Variants in TULP4 observed in about 807,000 individuals in gnomAD.
TULP4 encodes tubby-related protein 4.
TULP4 carries 16 observed loss-of-function variants against 129.0 expected under a neutral mutation model. The ratio of observed to expected loss-of-function variants is 0.12; its 90% CI spans 0.08 to 0.19. TULP4 has a LOEUF of 0.19. TULP4 is among the 10% of genes least tolerant of loss of function. The probability of loss-of-function intolerance (pLI) is 1.00; values close to 1 mark genes in which losing one functional copy is unlikely to be tolerated. For synonymous variants in TULP4, 998 were observed against 854.0 expected, an observed-to-expected ratio of 1.17 and a Z score of -2.94; for missense variants, 1,842 against 2,059.1, an observed-to-expected ratio of 0.89 and a Z score of 2.04.
At chr6:158,266,808 G>A (rs1396894869) in intron 1 of TULP4, among the ~76,000 whole-genome samples, 1 of 152,056 alleles carries the variant, frequency 6.6e-6, no homozygotes, top group Non-Finnish European at 1.5e-5. Context: ...TTATCTACAT[G>A]GGTCCTAGAA....
intron 1 of TULP4, among the ~76,000 whole-genome samples, chr6:158,276,791 G>A (rs1778655046): frequency 6.6e-6 from 1 of 152,042 alleles, no homozygotes; most frequent in African/African-American, 2.4e-5. Context: ...TTACATAAAT[G>A]TATATTGCAT....
chr6:158,486,260 A>T (rs996012904), intron 8 of TULP4, among the ~76,000 whole-genome samples: 1 of 152,116 alleles, frequency 6.6e-6, no homozygotes, highest in Non-Finnish European at 1.5e-5. Context: ...TCCTAATCTG[A>T]TAGGACAGTT....
rs567645398 is a variant in TULP4 at position 158,469,274 on chromosome 6, CT to C, written c.1026+7559del. 3.8e-3 allele frequency among the ~76,000 whole-genome samples: 545 copies of C among 142,858 alleles called. 5 individuals carry two copies. The highest frequency in any genetic ancestry group is 0.011 in the East Asian group (54 of 4,956). The allele number at this position is 142,858 out of a possible 152,430, so 93.7% of individuals were successfully genotyped here. On this transcript the variant is annotated intron_variant, in intron 6 of 13. Coordinates refer to ENST00000367097, the MANE Select transcript of TULP4 (RefSeq NM_020245.5). ...GAGGTCAGTACTAGTGAAAACAGAC[CT>C]TTTTTTTTTTTTTCTCGAGACAGGA...
Position 158,511,592 on chromosome 6 carries a change from A to G in TULP4, c.*4898A>G, listed in dbSNP as rs1056165594. 1 of 152,460 alleles carries G rather than the reference A, an allele frequency of 6.6e-6. No homozygotes were observed. Among genetic ancestry groups the G allele is most frequent in the African/African-American group, 2.4e-5 (1 of 41,388 alleles). The allele number at this position is 152,460 out of a possible 1,614,324, so 9.4% of individuals were successfully genotyped here. A position where few individuals can be genotyped will look rare whatever the true frequency, so the allele number is the denominator to read the frequency against. Reference sequence around the variant, plus strand: ...CAAGCAAGATCTGTTGCGACTCCCAAATGCGTTTTAATGAGCTCATCCTTA... The same window carrying G: ...CAAGCAAGATCTGTTGCGACTCCCAGATGCGTTTTAATGAGCTCATCCTTA... On this transcript the variant is annotated 3_prime_UTR_variant, in exon 14 of 14. Transcript: ENST00000367097.
chr6:158,301,719 G>A (rs955228010), intron 1 of TULP4, among the ~76,000 whole-genome samples: 1 of 152,124 alleles, frequency 6.6e-6, no homozygotes, highest in African/African-American at 2.4e-5. Flanking sequence ...AGGCTGAGAC[G>A]GCTGTACCCT....
At chr6:158,275,021 AAAGAAATAAGT>A (rs2128463665) in intron 1 of TULP4, among the ~76,000 whole-genome samples, 1 of 152,336 alleles carries the variant, frequency 6.6e-6, no homozygotes, top group African/African-American at 2.4e-5. Flanking sequence ...ATCAGTGTAG[AAAGAAATAAGT>A]AAGAAATAAG....
intron 1 of TULP4, among the ~76,000 whole-genome samples, chr6:158,236,795 CTTTTTTTTTTTTTT>C (rs71030149): frequency 0.34 from 21,938 of 63,650 alleles, 2,978 homozygotes; most frequent in East Asian, 0.61. Context: ...CAATTCTTTT[CTTTTTTTTTTTTTT>C]TTTTTTTTTT....
At chr6:158,393,500 C>G (rs1056845576) in intron 1 of TULP4, among the ~76,000 whole-genome samples, 6 of 152,254 alleles carry the variant, frequency 3.9e-5, no homozygotes, top group Admixed American at 3.9e-4. Flanking sequence ...AGACTTCTCC[C>G]TGGACATCCA....
chr6:158,392,881 A>G (rs1243266923), intron 1 of TULP4, among the ~76,000 whole-genome samples: 1 of 121,348 alleles, frequency 8.2e-6, no homozygotes, highest in Non-Finnish European at 1.6e-5. Flanking sequence ...GCTTGCTGCA[A>G]CCTCCACCTT....
At chr6:158,495,993 C>T (rs147065439) in intron 11 of TULP4, among the ~76,000 whole-genome samples, 1 of 152,306 alleles carries the variant, frequency 6.6e-6, no homozygotes, top group East Asian at 1.9e-4. Context: ...CAGGCCAGAA[C>T]ATGAACATGT....
chr6:158,429,883 C>G lies in TULP4; in HGVS notation c.529C>G (p.Pro177Ala). The change falls in exon 3 of 14, where the codon CCT becomes GCT. Residue 177 changes from proline to alanine, a missense_variant. By Grantham distance (27) the Pro-to-Ala change is conservative. This residue lies in a region of TULP4 where 151 missense variants were observed against 268.7 expected (regional missense o/e 0.56). Transcript: ENST00000367097. ...TCAAATTACGTGTGGCATATGGACTCCTGACGACCAACAGGTAACACTTCT... is the reference window on the plus strand; with the variant it reads ...TCAAATTACGTGTGGCATATGGACTGCTGACGACCAACAGGTAACACTTCT... The part of the protein sequence containing the change: ...ESQITCGIWT[P>A]DDQQVLFGTA... 1 of 1,613,790 alleles carries G rather than the reference C, an allele frequency of 6.2e-7. No individual in the cohort carries two copies. Among genetic ancestry groups the G allele is most frequent in the Non-Finnish European group, 8.5e-7 (1 of 1,179,926 alleles).
At chr6:158,303,764 C>T (rs1056230421) in intron 1 of TULP4, among the ~76,000 whole-genome samples, 4 of 152,304 alleles carry the variant, frequency 2.6e-5, no homozygotes, top group African/African-American at 7.2e-5. Context: ...AGGGTATTCA[C>T]GTCTTCAGTA....
chr6:158,441,116 GACCAGCCCAGCCAACGTGGTGAAACCCC>G, intron 3 of TULP4, among the ~76,000 whole-genome samples: 1 of 152,150 alleles, frequency 6.6e-6, no homozygotes, highest in Non-Finnish European at 1.5e-5. Flanking sequence ...AGGAGTTCAA[GACCAGCCCAGCCAACGTGGTGAAACCCC>G]GTATCTATTA....
intron 1 of TULP4, among the ~76,000 whole-genome samples, chr6:158,373,219 C>A (rs1427874461): frequency 6.6e-6 from 1 of 152,216 alleles, no homozygotes; most frequent in African/African-American, 2.4e-5. Context: ...GTAGCTCTTA[C>A]ATGGCTACGT....
intron 1 of TULP4, among the ~76,000 whole-genome samples, chr6:158,397,283 C>T (rs567980728): frequency 6.0e-4 from 92 of 152,324 alleles, no homozygotes; most frequent in African/African-American, 2.0e-3. Flanking sequence ...TAGTTCTCCC[C>T]TATCCAGGCA....
chr6:158,502,227 C>A lies in TULP4; in HGVS notation c.2564C>A (p.Pro855Gln). ...ACAGCAGCACCCCCGCCCCCTCTGC[C>A]GCCCCCACAGCCCCCAGTGGATGTG... ...PTTAAPPPPL[P>Q]PPQPPVDVCL... The change falls in exon 13 of 14, where the codon CCG (proline) becomes CAG (glutamine). Residue 855 changes from proline (P) to glutamine (Q), a missense_variant. Pro to Gln is a moderately conservative substitution (Grantham distance 76). This residue lies in a region of TULP4 where 1,089 missense variants were observed against 987.1 expected (regional missense o/e 1.10). Transcript: ENST00000367097. 1 of 1,554,302 alleles carries A rather than the reference C, an allele frequency of 6.4e-7. No individual in the cohort carries two copies. The highest frequency in any genetic ancestry group is 8.8e-7 in the Non-Finnish European group (1 of 1,141,934).
At chr6:158,468,029 C>T (rs1450363503) in intron 6 of TULP4, among the ~76,000 whole-genome samples, 1 of 152,224 alleles carries the variant, frequency 6.6e-6, no homozygotes, top group Non-Finnish European at 1.5e-5. Flanking sequence ...AATAAAAGTA[C>T]ACTGACACAC....
In TULP4 at chr6:158,502,658, G is replaced by A; in HGVS notation, c.2995G>A (p.Ala999Thr). The part of the protein sequence containing the change: ...RNNREATLKM[A>T]QLADSPRAPL... ...CAACCGTGAGGCTACGCTCAAGATG[G>A]CCCAGCTGGCCGACAGCCCGCGGGC... The change falls in exon 13 of 14, where the codon GCC becomes ACC. Residue 999 changes from alanine to threonine, a missense_variant. Physicochemically the swap from Ala to Thr is moderately conservative, Grantham distance 58. Coordinates refer to ENST00000367097, the MANE Select transcript of TULP4 (RefSeq NM_020245.5). 1.3e-6 allele frequency: 2 copies of A among 1,567,844 alleles called. No homozygotes were observed. Among genetic ancestry groups the A allele is most frequent in the Non-Finnish European group, 1.7e-6 (2 of 1,160,964 alleles).
chr6:158,464,909 T>C (rs1211166566), intron 6 of TULP4, among the ~76,000 whole-genome samples: 2 of 152,134 alleles, frequency 1.3e-5, no homozygotes, highest in African/African-American at 2.4e-5. Flanking sequence ...CATTTGCGGG[T>C]TTTGCCATTT....
Sources: gnomAD v4.1 joint callset for allele counts (sites outside exome capture counted in the v4.1 genomes callset) on GRCh38, gnomAD v4.1.1 for gene constraint, gnomAD v4.1.1 regional missense constraint, MANE v1.5 for transcripts, NCBI Gene and HGNC (gene_info 2026-07-23, HGNC 2026-07-21) for gene names.